Variants in NINJ2 observed in about 807,000 individuals in gnomAD.
NINJ2 encodes the protein ninjurin 2, also known as ninjurin-2.
In NINJ2, 12 loss-of-function variants were observed where a neutral mutation model predicts 11.7. That is an observed-to-expected ratio of 1.02 (90% CI 0.66 to 1.66). The LOEUF is 1.66. NINJ2 is among the 40% of genes most tolerant of loss of function. NINJ2 has a pLI of 0.00. For missense variants in NINJ2, 187 were observed against 181.8 expected, an observed-to-expected ratio of 1.03 and a Z score of -0.16; for synonymous variants, 93 against 76.8, an observed-to-expected ratio of 1.21 and a Z score of -1.10.
chr12:571,754 T>G (rs536125870), intron 1 of NINJ2, among the ~76,000 whole-genome samples: 1 of 152,310 alleles, frequency 6.6e-6, no homozygotes, highest in Admixed American at 6.5e-5. Flanking sequence ...AGTAAACATG[T>G]TTTTCATTGT....
At chr12:661,360 C>T (rs1046061639) in intron 1 of NINJ2, among the ~76,000 whole-genome samples, 6 of 152,144 alleles carry the variant, frequency 3.9e-5, no homozygotes, top group African/African-American at 1.4e-4. Context: ...GGATTACAGG[C>T]GTAGGCCACC....
chr12:594,183 T>C (rs1288167845), intron 1 of NINJ2, among the ~76,000 whole-genome samples: 1 of 151,814 alleles, frequency 6.6e-6, no homozygotes, highest in Non-Finnish European at 1.5e-5. Context: ...ATGTAGAAAA[T>C]TGAAAATAAT....
intron 1 of NINJ2, among the ~76,000 whole-genome samples, chr12:608,389 T>C (rs1264190164): frequency 6.6e-6 from 1 of 152,214 alleles, no homozygotes; most frequent in Non-Finnish European, 1.5e-5. Context: ...AATAATGTGC[T>C]TATTACCGGC....
intron 1 of NINJ2, among the ~76,000 whole-genome samples, chr12:659,294 T>A (rs1937925071): frequency 6.6e-6 from 1 of 151,976 alleles, no homozygotes. Context: ...ATCTTCACAT[T>A]TCCATCAACA....
chr12:568,875 CA>C (rs562146295), intron 1 of NINJ2, among the ~76,000 whole-genome samples: 6,444 of 29,428 alleles, frequency 0.22, 505 homozygotes, highest in African/African-American at 0.41. Flanking sequence ...GCTGTGAGGA[CA>C]CCCCCCCCCC....
At chr12:593,291 T>C (rs1441639439) in intron 1 of NINJ2, among the ~76,000 whole-genome samples, 1 of 152,172 alleles carries the variant, frequency 6.6e-6, no homozygotes. Context: ...CTGCAATACA[T>C]CAACATTTAC....
intron 1 of NINJ2, among the ~76,000 whole-genome samples, chr12:654,246 C>G (rs772593126): frequency 1.1e-4 from 17 of 152,204 alleles, no homozygotes; most frequent in Non-Finnish European, 1.9e-4. Context: ...TGGATGGGGT[C>G]AGGCACGGTG....
At chr12:651,095 G>T (rs1352131371) in intron 1 of NINJ2, among the ~76,000 whole-genome samples, 1 of 151,666 alleles carries the variant, frequency 6.6e-6, no homozygotes, top group Non-Finnish European at 1.5e-5. Context: ...ACCCAGTCAT[G>T]GGGGTGGGCA....
At chr12:593,526 T>C (rs982192520) in intron 1 of NINJ2, among the ~76,000 whole-genome samples, 3 of 152,266 alleles carry the variant, frequency 2.0e-5, no homozygotes, top group African/African-American at 7.2e-5. Context: ...GAGACTAGCC[T>C]GGGCAACAGG....
chr12:572,072 C>A (rs747171661), intron 1 of NINJ2, among the ~76,000 whole-genome samples: 5 of 152,256 alleles, frequency 3.3e-5, no homozygotes, highest in African/African-American at 4.8e-5. Flanking sequence ...AGTGAGCAAT[C>A]CGGGCCGGGA....
rs898783050 is a variant in NINJ2, at chr12:628,708, G to C, written c.33+34620C>G. 6.6e-6 allele frequency among the ~76,000 whole-genome samples: 1 copy of C among 152,074 alleles called. No homozygotes were observed. Among genetic ancestry groups the C allele is most frequent in the African/African-American group, 2.4e-5 (1 of 41,420 alleles). On this transcript the variant is annotated intron_variant, in intron 1 of 3. Coordinates refer to ENST00000305108, the MANE Select transcript of NINJ2 (RefSeq NM_016533.6). The surrounding 1 kb of genome is among the most constrained non-coding windows in gnomAD (Gnocchi z 4.4). ...CACAAAGGCCCTGCTGATAAAGCAG[G>C]ATGCAGTAAGGAAGCCTGCCAAAAC...
chr12:642,872 C>A (rs1324317354), intron 1 of NINJ2: 1 of 150,976 alleles, frequency 6.6e-6, no homozygotes, highest in Non-Finnish European at 1.5e-5. Flanking sequence ...CTGCCCGGCT[C>A]GCCCGCCCGC....
At chr12:638,605 C>T (rs1490423730) in intron 1 of NINJ2, among the ~76,000 whole-genome samples, 4 of 152,248 alleles carry the variant, frequency 2.6e-5, no homozygotes, top group Non-Finnish European at 5.9e-5. Context: ...TTAGTAGAGA[C>T]GGGGTTTCAC....
At chr12:627,539 T>C (rs1273720057) in intron 1 of NINJ2, among the ~76,000 whole-genome samples, 3 of 152,150 alleles carry the variant, frequency 2.0e-5, no homozygotes, top group Non-Finnish European at 4.4e-5. Flanking sequence ...ATGGATAAAG[T>C]GAAGCAAGGA....
chr12:565,887 G>C, intron 2 of NINJ2, 63 bp downstream of exon 2: 1 of 1,426,990 alleles, frequency 7.0e-7, no homozygotes, highest in Non-Finnish European at 9.9e-7. Flanking sequence ...GGGGACACGT[G>C]GGGCCTTTCT....
chr12:659,481 C>T (rs190903181), intron 1 of NINJ2, among the ~76,000 whole-genome samples: 1 of 152,290 alleles, frequency 6.6e-6, no homozygotes, highest in Non-Finnish European at 1.5e-5. Context: ...ACCTTTCACA[C>T]ATCCAGACTC....
At position 581,014 on chromosome 12, in the gene NINJ2, G is replaced by A. The variant is rs11614790; in HGVS notation, c.34-14836C>T. 0.27 allele frequency among the ~76,000 whole-genome samples: 40,859 copies of A among 151,028 alleles called. 5,842 individuals are homozygous for A. Among genetic ancestry groups the A allele is most frequent in the South Asian group, 0.37 (1,785 of 4,768 alleles). ...TGTGCATATGTCTGTGTGAATGTGT[G>A]TGTTCATGTCTTGTGTATGTGTCTG... On this transcript the variant is annotated intron_variant, in intron 1 of 3. Coordinates refer to ENST00000305108, the MANE Select transcript of NINJ2 (RefSeq NM_016533.6). This position sits in a 1 kb window ranked among gnomAD's most constrained non-coding sequence, Gnocchi z 4.9.
Position 591,661 on chromosome 12 carries a change from C to T in NINJ2, c.34-25483G>A, listed in dbSNP as rs1055111205. 2.6e-5 allele frequency among the ~76,000 whole-genome samples: 4 copies of T among 152,124 alleles called. No homozygotes were observed. The highest frequency in any genetic ancestry group is 7.2e-5 in the African/African-American group (3 of 41,428). ...CAGTGTCTGCTGTGAACAGATGTCA[C>T]GGAGGGAGCAGTGCAGTGTCACCAG... On this transcript the variant is annotated intron_variant, in intron 1 of 3. Coordinates refer to ENST00000305108, the MANE Select transcript of NINJ2 (RefSeq NM_016533.6). The surrounding 1 kb of genome is among the most constrained non-coding windows in gnomAD (Gnocchi z 5.0).
At chr12:627,498 C>G (rs1948222665) in intron 1 of NINJ2, among the ~76,000 whole-genome samples, 1 of 152,158 alleles carries the variant, frequency 6.6e-6, no homozygotes, top group South Asian at 2.1e-4. Flanking sequence ...GTGAGACTGA[C>G]GTAGCCCTTG....
Sources: allele counts gnomAD v4.1 joint callset (sites outside exome capture counted in the v4.1 genomes callset), GRCh38; gene constraint gnomAD v4.1.1; non-coding constraint Gnocchi (gnomAD v3.1); transcripts MANE v1.5; gene names NCBI Gene and HGNC (gene_info 2026-07-23, HGNC 2026-07-21).